SH3BGRL2: variants seen among roughly 807,000 people sequenced by gnomAD.
SH3BGRL2 encodes SH3 domain binding glutamate rich protein like 2, also known as SH3 domain-binding glutamic acid-rich-like protein 2.
In SH3BGRL2, 21 loss-of-function variants were observed where a neutral mutation model predicts 14.8. The observed-to-expected ratio is 1.42, with a 90% CI of 1.01 to 2.05. The LOEUF is 2.05. Among genes scored for constraint, SH3BGRL2 ranks in the 30% most tolerant of loss-of-function variants. The pLI is 0.00. For missense variants in SH3BGRL2, 147 were observed against 130.8 expected (o/e 1.12, Z -0.61); for synonymous variants, 50 against 47.8 (o/e 1.05, Z -0.19).
At chr6:79,557,353 G>A in the SH3BGRL2 span, among the ~76,000 whole-genome samples, 1 of 151,862 alleles carries the variant, frequency 6.6e-6, no homozygotes, top group Non-Finnish European at 1.5e-5. Context: ...ATACCTATCT[G>A]TAATTGCTTT....
intron 2 of SH3BGRL2, among the ~76,000 whole-genome samples, chr6:79,689,195 A>G (rs960356537): frequency 2.6e-5 from 4 of 152,074 alleles, no homozygotes; most frequent in Non-Finnish European, 5.9e-5. Context: ...ACCAAATTTT[A>G]TATTTGTCAT....
the SH3BGRL2 span, among the ~76,000 whole-genome samples, chr6:79,539,119 C>T: frequency 6.6e-6 from 1 of 152,102 alleles, no homozygotes; most frequent in Non-Finnish European, 1.5e-5. Context: ...CAATTTTATT[C>T]ACCCCCTCAT....
the SH3BGRL2 span, among the ~76,000 whole-genome samples, chr6:79,580,013 A>G: frequency 1.3e-5 from 2 of 152,222 alleles, no homozygotes; most frequent in Admixed American, 1.3e-4. Context: ...CTCTGATAAA[A>G]CAGACTTTAA....
chr6:79,595,649 T>C, the SH3BGRL2 span, among the ~76,000 whole-genome samples: 1 of 152,310 alleles, frequency 6.6e-6, no homozygotes. Flanking sequence ...AAACTCTCAA[T>C]CAACTAGAAG....
intron 1 of SH3BGRL2, among the ~76,000 whole-genome samples, chr6:79,671,047 C>A (rs1293640748): frequency 6.6e-6 from 1 of 152,042 alleles, no homozygotes; most frequent in Non-Finnish European, 1.5e-5. Context: ...TAAAACCAGC[C>A]TTCTGTATTT....
chr6:79,573,940 C>T, the SH3BGRL2 span: 1 of 152,022 alleles, frequency 6.6e-6, no homozygotes, highest in African/African-American at 2.4e-5. Context: ...TTGTGTATTT[C>T]CTCTTGAATT....
At chr6:79,653,939 T>G (rs1769355217) in intron 1 of SH3BGRL2, among the ~76,000 whole-genome samples, 1 of 152,134 alleles carries the variant, frequency 6.6e-6, no homozygotes, top group African/African-American at 2.4e-5. Flanking sequence ...CCAAGTACTT[T>G]TCAGTATTCT....
At chr6:79,670,574 A>G (rs1769752858) in intron 1 of SH3BGRL2, among the ~76,000 whole-genome samples, 1 of 152,248 alleles carries the variant, frequency 6.6e-6, no homozygotes, top group South Asian at 2.1e-4. Context: ...ATCATAATAC[A>G]GTATTTCTGA....
chr6:79,611,302 A>G, the SH3BGRL2 span, among the ~76,000 whole-genome samples: 3 of 152,174 alleles, frequency 2.0e-5, no homozygotes, highest in Non-Finnish European at 4.4e-5. Context: ...TACCCAAAAA[A>G]TGATAATTGT....
the SH3BGRL2 span, among the ~76,000 whole-genome samples, chr6:79,602,776 A>G: frequency 6.6e-6 from 1 of 152,178 alleles, no homozygotes; most frequent in Non-Finnish European, 1.5e-5. Flanking sequence ...ACTCCTATTT[A>G]AGTAAAAGAG....
chr6:79,596,596 C>G, the SH3BGRL2 span, among the ~76,000 whole-genome samples: 3 of 152,176 alleles, frequency 2.0e-5, no homozygotes, highest in African/African-American at 7.2e-5. Context: ...CAATGTGCCA[C>G]AAAACCTTAT....
upstream of SH3BGRL2, among the ~76,000 whole-genome samples, chr6:79,629,342 G>T (rs546391410): frequency 1.3e-5 from 2 of 152,114 alleles, no homozygotes; most frequent in Non-Finnish European, 2.9e-5. Context: ...AATCTTTAGG[G>T]TAGAAATGTT....
intron 1 of SH3BGRL2, among the ~76,000 whole-genome samples, chr6:79,650,331 A>G (rs2127726203): frequency 6.6e-6 from 1 of 152,288 alleles, no homozygotes; most frequent in East Asian, 1.9e-4. Flanking sequence ...AACATTACTC[A>G]GTAGCCCAAG....
intron 1 of SH3BGRL2, among the ~76,000 whole-genome samples, chr6:79,639,073 G>A (rs1233506282): frequency 6.6e-6 from 1 of 152,154 alleles, no homozygotes; most frequent in Non-Finnish European, 1.5e-5. Context: ...GAAAAACTCA[G>A]CAGGCAACAG....
chr6:79,661,159 T>C (rs1769538600), intron 1 of SH3BGRL2, among the ~76,000 whole-genome samples: 1 of 152,202 alleles, frequency 6.6e-6, no homozygotes, highest in African/African-American at 2.4e-5. Context: ...TAGTTATTTC[T>C]TGCCTTCTGC....
At chr6:79,592,455 A>G in the SH3BGRL2 span, among the ~76,000 whole-genome samples, 5 of 152,212 alleles carry the variant, frequency 3.3e-5, no homozygotes, top group African/African-American at 1.2e-4. Flanking sequence ...GAGCTTATAT[A>G]TAGGGGATTT....
chr6:79,648,264 A>ATATG lies in SH3BGRL2; in HGVS notation c.45+16761_45+16762insGTAT, dbSNP rs973507828. 4.1e-5 allele frequency among the ~76,000 whole-genome samples: 5 copies of ATATG among 122,156 alleles called. 1 individual carries two copies. The highest frequency in any genetic ancestry group is 1.5e-4 in the African/African-American group (5 of 33,220). The allele number at this position is 122,156 out of a possible 152,430, so 80.1% of individuals were successfully genotyped here. ...CTCTCTATTCTTTTGGCATATATATATATATATATATATATATATTTGACA... is the reference window on the plus strand; with the variant it reads ...CTCTCTATTCTTTTGGCATATATATATATGTATATATATATATATATATTTGACA... On this transcript the variant is annotated intron_variant, in intron 1 of 3. Transcript: ENST00000369838.
chr6:79,661,318 C>T (rs1416062328), intron 1 of SH3BGRL2, among the ~76,000 whole-genome samples: 2 of 152,158 alleles, frequency 1.3e-5, no homozygotes, highest in Admixed American at 1.3e-4. Context: ...CCCATAGATT[C>T]TGGTATGTTG....
At chr6:79,569,531 G>A in the SH3BGRL2 span, among the ~76,000 whole-genome samples, 5 of 152,272 alleles carry the variant, frequency 3.3e-5, no homozygotes, top group African/African-American at 1.2e-4. Flanking sequence ...TATGTTAAGA[G>A]TCTGTTTTGT....
Sources: gnomAD v4.1 joint callset for allele counts (sites outside exome capture counted in the v4.1 genomes callset) on GRCh38, gnomAD v4.1.1 for gene constraint, MANE v1.5 for transcripts, NCBI Gene and HGNC (gene_info 2026-07-23, HGNC 2026-07-21) for gene names.